CDH13: variants seen among roughly 807,000 people sequenced by gnomAD.
CDH13 encodes the protein cadherin 13.
A neutral mutation model predicts 63.8 loss-of-function variants in CDH13; 24 were observed. The ratio of observed to expected loss-of-function variants is 0.38; its 90% CI spans 0.27 to 0.53. CDH13 has a LOEUF of 0.53. Among genes scored for constraint, CDH13 ranks in the 20% least tolerant of loss-of-function variants. The pLI, the probability that CDH13 is intolerant of heterozygous loss-of-function variation, is 0.85. For synonymous variants in CDH13, 503 were observed against 355.3 expected, an observed-to-expected ratio of 1.42 and a Z score of -4.67; for missense variants, 1,049 against 903.1, an observed-to-expected ratio of 1.16 and a Z score of -2.07.
chr16:82,995,234 G>A (rs1254735112), intron 2 of CDH13, among the ~76,000 whole-genome samples: 1 of 152,080 alleles, frequency 6.6e-6, no homozygotes, highest in Non-Finnish European at 1.5e-5. Context: ...AGTGAATCTC[G>A]CTATAGTCAT....
intron 10 of CDH13, chr16:83,726,133 G>A (rs1910355990): frequency 6.6e-6 from 1 of 152,178 alleles, no homozygotes; most frequent in African/African-American, 2.4e-5. Context: ...TCCCACAAGG[G>A]ATAATTTTAT....
chr16:83,041,323 G>A (rs1443263244), intron 3 of CDH13, among the ~76,000 whole-genome samples: 2 of 151,842 alleles, frequency 1.3e-5, no homozygotes, highest in South Asian at 2.1e-4. Context: ...GTTCATCATC[G>A]TTGCAAACAT....
At chr16:82,691,944 A>G (rs1265668949) in intron 1 of CDH13, among the ~76,000 whole-genome samples, 1 of 152,184 alleles carries the variant, frequency 6.6e-6, no homozygotes, top group African/African-American at 2.4e-5. Flanking sequence ...CAAGGCATTC[A>G]GGAGATTCTG....
intron 8 of CDH13, among the ~76,000 whole-genome samples, chr16:83,630,915 T>C (rs755891688): frequency 6.6e-6 from 1 of 152,174 alleles, no homozygotes; most frequent in Non-Finnish European, 1.5e-5. Context: ...AGCTTAGTAA[T>C]TGGGGGTCCC....
At chr16:83,276,903 C>T (rs12920906) in intron 5 of CDH13, among the ~76,000 whole-genome samples, 134,782 of 152,146 alleles carry the variant, frequency 0.89, 61,969 homozygotes, top group East Asian at 1. Context: ...TCACATCTTA[C>T]GTAGATGTTG....
At chr16:82,967,666 C>CG (rs1908057201) in intron 2 of CDH13, among the ~76,000 whole-genome samples, 1 of 152,194 alleles carries the variant, frequency 6.6e-6, no homozygotes, top group African/African-American at 2.4e-5. Context: ...GAGACCCCCC[C>CG]AGCCTGCTTT....
chr16:83,219,012 C>T (rs2039619437), intron 5 of CDH13, among the ~76,000 whole-genome samples: 1 of 152,176 alleles, frequency 6.6e-6, no homozygotes, highest in African/African-American at 2.4e-5. Context: ...ACTGTGAGTT[C>T]ATTAAATCTC....
At position 83,447,096 on chromosome 16, in the gene CDH13, C is replaced by CTTTT. The variant is rs750432481; in HGVS notation, c.782-39354_782-39351dup. 1.1e-3 allele frequency among the ~76,000 whole-genome samples: 44 copies of CTTTT among 41,492 alleles called. 6 individuals carry two copies. Among genetic ancestry groups the CTTTT allele is most frequent in the South Asian group, 1.8e-3 (2 of 1,092 alleles). 27.2% of individuals were successfully genotyped at this position (41,492 alleles called of 152,430 possible). Reference sequence around the variant, plus strand: ...AAAACAAAAAACACCTTATAGTAACCTTTTTTTTTTTTTTTTTTTTTTTTT... The same window carrying CTTTT: ...AAAACAAAAAACACCTTATAGTAACCTTTTTTTTTTTTTTTTTTTTTTTTTTTTT... On this transcript the variant is annotated intron_variant, in intron 6 of 13. Transcript: ENST00000567109.
chr16:82,791,528 G>C (rs111804390), intron 1 of CDH13, among the ~76,000 whole-genome samples: 7,033 of 152,262 alleles, frequency 0.046, 246 homozygotes, highest in Non-Finnish European at 0.072. Flanking sequence ...TTTTCACTCT[G>C]TTAAATCTTG....
chr16:82,747,608 C>A (rs1027842473), intron 1 of CDH13, among the ~76,000 whole-genome samples: 5 of 152,148 alleles, frequency 3.3e-5, no homozygotes, highest in African/African-American at 9.7e-5. Flanking sequence ...TTTAACGAGA[C>A]CTTCAAGTAA....
chr16:83,001,510 C>G (rs549584062), intron 2 of CDH13, among the ~76,000 whole-genome samples: 37 of 152,320 alleles, frequency 2.4e-4, no homozygotes, highest in African/African-American at 8.7e-4. Flanking sequence ...CAGACCGTGT[C>G]CAGGGCCTCA....
chr16:83,661,835 G>T (rs1217395979), intron 8 of CDH13, among the ~76,000 whole-genome samples: 1 of 152,200 alleles, frequency 6.6e-6, no homozygotes, highest in Non-Finnish European at 1.5e-5. Context: ...AGAGAAGTGT[G>T]CCCTGAGGGG....
intron 1 of CDH13, among the ~76,000 whole-genome samples, chr16:82,696,456 A>G (rs1354161563): frequency 2.0e-5 from 3 of 152,224 alleles, no homozygotes; most frequent in Admixed American, 1.3e-4. Flanking sequence ...TGGTAGTCAC[A>G]AGGTCTTTGA....
intron 3 of CDH13, among the ~76,000 whole-genome samples, chr16:83,099,265 A>G (rs925392511): frequency 2.6e-5 from 4 of 152,156 alleles, no homozygotes; most frequent in African/African-American, 9.7e-5. Flanking sequence ...ACATAAATGT[A>G]CACACACACA....
intron 5 of CDH13, among the ~76,000 whole-genome samples, chr16:83,307,886 C>G (rs919646331): frequency 6.6e-6 from 1 of 152,094 alleles, no homozygotes; most frequent in Non-Finnish European, 1.5e-5. Context: ...GGCAGCACTT[C>G]CATGCTGAGA....
chr16:83,629,712 G>C (rs557445246), intron 8 of CDH13, among the ~76,000 whole-genome samples: 3 of 152,236 alleles, frequency 2.0e-5, no homozygotes, highest in African/African-American at 7.2e-5. Context: ...ATTCACTTTG[G>C]ACTAATATCC....
intron 1 of CDH13, among the ~76,000 whole-genome samples, chr16:82,691,820 G>A (rs80212936): frequency 6.6e-6 from 1 of 152,038 alleles, no homozygotes; most frequent in Non-Finnish European, 1.5e-5. Context: ...TTGGGATCTC[G>A]ATGATGCTGG....
chr16:83,054,140 C>G (rs2030678754), intron 3 of CDH13, among the ~76,000 whole-genome samples: 1 of 152,170 alleles, frequency 6.6e-6, no homozygotes. Context: ...GCTATACCAT[C>G]TAGGTTTATA....
At chr16:83,525,477 A>C (rs1254682700) in intron 7 of CDH13, among the ~76,000 whole-genome samples, 1 of 152,196 alleles carries the variant, frequency 6.6e-6, no homozygotes, top group East Asian at 1.9e-4. Flanking sequence ...TGTTATACTG[A>C]CTTGGTTGCA....
Sources: gnomAD v4.1 joint callset for allele counts (sites outside exome capture counted in the v4.1 genomes callset) on GRCh38, gnomAD v4.1.1 for gene constraint, MANE v1.5 for transcripts, NCBI Gene and HGNC (gene_info 2026-07-23, HGNC 2026-07-21) for gene names.